Variants in IPO7 observed in about 807,000 individuals in gnomAD.
IPO7 encodes importin 7.
IPO7 carries 13 observed loss-of-function variants against 136.4 expected under a neutral mutation model. That is an observed-to-expected ratio of 0.10 (90% CI 0.06 to 0.15). IPO7 has a LOEUF of 0.15. Among genes scored for constraint, IPO7 ranks in the 10% least tolerant of loss-of-function variants. The probability of loss-of-function intolerance (pLI) is 1.00; values close to 1 mark genes in which losing one functional copy is unlikely to be tolerated. For missense variants in IPO7, 857 were observed against 1,240.6 expected, an observed-to-expected ratio of 0.69 and a Z score of 4.65; for synonymous variants, 403 against 404.4, an observed-to-expected ratio of 1.00 and a Z score of 0.04.
intron 2 of IPO7, among the ~76,000 whole-genome samples, chr11:9,406,696 C>G (rs1854892939): frequency 1.3e-5 from 2 of 151,976 alleles, no homozygotes; most frequent in African/African-American, 4.8e-5. Context: ...CATGGTGAAA[C>G]CCTGTCTCTA....
At chr11:9,400,888 G>T (rs1005250410) in intron 1 of IPO7, among the ~76,000 whole-genome samples, 12 of 151,602 alleles carry the variant, frequency 7.9e-5, no homozygotes, top group African/African-American at 2.9e-4. Flanking sequence ...TCTGTAAGAA[G>T]ATACTAAAAT....
Position 9,420,425 on chromosome 11 carries a change from T to G in IPO7, c.741T>G (p.Val247=), listed in dbSNP as rs1428597086. The G allele has an allele frequency of 2.5e-6, 4 of 1,607,886 alleles. No homozygotes were observed. The highest frequency in any genetic ancestry group is 3.4e-6 in the Non-Finnish European group (4 of 1,176,250). Residue 247 remains valine, a synonymous_variant, in exon 7 of 25, where the codon GTT becomes GTG. Coordinates refer to ENST00000379719, the MANE Select transcript of IPO7 (RefSeq NM_006391.3). ...TCTTTTTAAAGGAAACACTTCAAGT[T>G]GAAGAAGATGATCGACCTGAGTTAC... The part of the protein sequence containing the change: ...NRDVPNETLQ[V]EEDDRPELPW...
In IPO7 at chr11:9,446,886, AAAAG is replaced by A. The variant is rs1855536614; in HGVS notation, c.*1696_*1699del. 4 of 152,314 alleles carry A rather than the reference AAAAG, an allele frequency of 2.6e-5. 1 individual carries two copies. In the South Asian group the frequency reaches 8.3e-4, roughly 32 times the overall value. 9.4% of individuals were successfully genotyped at this position (152,314 alleles called of 1,614,324 possible). A position where few individuals can be genotyped will look rare whatever the true frequency, so the allele number is the denominator to read the frequency against. On this transcript the variant is annotated 3_prime_UTR_variant, in exon 25 of 25. Transcript: ENST00000379719. ...AATTTACTACTAAAATCTTGGCAAA[AAAAG>A]AAAAAAATTGTCTAACGTGTGTGGG...
At chr11:9,427,798 A>G (rs574295400) in intron 12 of IPO7, among the ~76,000 whole-genome samples, 2 of 152,316 alleles carry the variant, frequency 1.3e-5, no homozygotes, top group Admixed American at 6.5e-5. Flanking sequence ...CAACTAATCC[A>G]TGGACCTTTT....
rs1855305090 is a variant in IPO7, at chr11:9,432,249, AG to A, written c.1881+1248del. 6.8e-5 allele frequency among the ~76,000 whole-genome samples: 10 copies of A among 147,924 alleles called. No individual in the cohort carries two copies. In the South Asian group the frequency reaches 2.1e-3, roughly 31 times the overall value. On this transcript the variant is annotated intron_variant, in intron 16 of 24. Transcript: ENST00000379719. ...CAGAGTCTCCCTTTGTTGCCTAGGCAGGAGTGCAGTGGCGCCATCTTGGCTC... is the reference window on the plus strand; with the variant it reads ...CAGAGTCTCCCTTTGTTGCCTAGGCAGAGTGCAGTGGCGCCATCTTGGCTC...
intron 13 of IPO7, 150 bp downstream of exon 13, chr11:9,428,779 A>G (rs1168862417): frequency 5.1e-6 from 4 of 784,798 alleles, no homozygotes; most frequent in South Asian, 4.1e-5. Flanking sequence ...GGCTGCTGTA[A>G]TGTGTGCATA....
At chr11:9,423,343 T>G (rs1855160274) in intron 9 of IPO7, among the ~76,000 whole-genome samples, 1 of 152,178 alleles carries the variant, frequency 6.6e-6, no homozygotes, top group Admixed American at 6.5e-5. Flanking sequence ...AACTTATCTT[T>G]TAATCCAAAA....
intron 16 of IPO7, 80 bp downstream of exon 16, chr11:9,431,083 A>C: frequency 9.0e-7 from 1 of 1,114,794 alleles, no homozygotes; most frequent in Non-Finnish European, 1.3e-6. Context: ...CTGGCATCTC[A>C]TGTACCATGT....
At chr11:9,423,166 T>G (rs1391907120) in intron 9 of IPO7, 26 bp downstream of exon 9, 2 of 1,457,608 alleles carry the variant, frequency 1.4e-6, no homozygotes, top group Non-Finnish European at 1.9e-6. Flanking sequence ...TGAAATGTTT[T>G]TATAGTAAAT....
chr11:9,393,964 C>T (rs1854674025), intron 1 of IPO7, among the ~76,000 whole-genome samples: 1 of 152,102 alleles, frequency 6.6e-6, no homozygotes, highest in Non-Finnish European at 1.5e-5. Context: ...CTCACTGCAA[C>T]TTCTGCCTCC....
Position 9,420,518 on chromosome 11 carries a change from A to T in IPO7, c.821+13A>T. On this transcript the variant is annotated intron_variant, in intron 7 of 24. Transcript: ENST00000379719. ...GACTTTTTGAAAGGTAATCTCATCC[A>T]TATATGGTGATTTAAATTAATTTAT... 6.3e-7 allele frequency: 1 copy of T among 1,585,354 alleles called. No homozygotes were observed. The highest frequency in any genetic ancestry group is 8.7e-7 in the Non-Finnish European group (1 of 1,154,620).
intron 22 of IPO7, 35 bp downstream of exon 22, chr11:9,438,320 T>C (rs764137846): frequency 2.3e-5 from 30 of 1,311,722 alleles, no homozygotes; most frequent in Middle Eastern, 1.8e-4. Flanking sequence ...ACAAAACTTA[T>C]CTACTTAGAA....
intron 13 of IPO7, 138 bp from the exon 14 acceptor site, chr11:9,428,893 C>T: frequency 2.4e-6 from 2 of 827,530 alleles, no homozygotes; most frequent in South Asian, 1.3e-5. Context: ...GATCATAGTA[C>T]TGGTCTAGTG....
At position 9,384,680 on chromosome 11, in the gene IPO7, G is replaced by T. The variant is rs890993818; in HGVS notation, c.-84G>T. On this transcript the variant is annotated 5_prime_UTR_variant, in exon 1 of 25. Coordinates refer to ENST00000379719, the MANE Select transcript of IPO7 (RefSeq NM_006391.3). ...TTCGCGCCGGTTGCCGCTGCGGAGCGCGGCGGGTCCATGTGCGCAGTGAGT... is the reference window on the plus strand; with the variant it reads ...TTCGCGCCGGTTGCCGCTGCGGAGCTCGGCGGGTCCATGTGCGCAGTGAGT... 46 of 1,148,134 alleles carry T rather than the reference G, an allele frequency of 4.0e-5. No homozygotes were observed. Among genetic ancestry groups the T allele is most frequent in the Non-Finnish European group, 5.4e-5 (44 of 810,392 alleles). The allele number at this position is 1,148,134 out of a possible 1,614,324, so 71.1% of individuals were successfully genotyped here. A position where few individuals can be genotyped will look rare whatever the true frequency, so the allele number is the denominator to read the frequency against.
intron 10 of IPO7, among the ~76,000 whole-genome samples, chr11:9,424,170 T>C (rs926176157): frequency 6.6e-6 from 1 of 152,228 alleles, no homozygotes; most frequent in Non-Finnish European, 1.5e-5. Context: ...TTGGATCTTA[T>C]GTTAGCCATC....
chr11:9,390,523 G>C (rs1452457759), intron 1 of IPO7, among the ~76,000 whole-genome samples: 1 of 152,200 alleles, frequency 6.6e-6, no homozygotes, highest in African/African-American at 2.4e-5. Flanking sequence ...AGGAAGACCA[G>C]AGTAGCCTGT....
At position 9,429,665 on chromosome 11, in the gene IPO7, C is replaced by A; in HGVS notation, c.1592-9C>A. The A allele has an allele frequency of 6.3e-7, 1 of 1,594,010 alleles. No homozygotes were observed. Among genetic ancestry groups the A allele is most frequent in the African/African-American group, 1.4e-5 (1 of 73,860 alleles). On this transcript the variant is annotated splice_polypyrimidine_tract_variant and intron_variant, in intron 14 of 24. Coordinates refer to ENST00000379719, the MANE Select transcript of IPO7 (RefSeq NM_006391.3). ...GTTTTACGCAAGTTTTTTACTCTTT[C>A]TCTTACAGCTAAAGAATATATCACA...
intron 16 of IPO7, 77 bp downstream of exon 16, chr11:9,431,080 C>A: frequency 8.8e-7 from 1 of 1,136,634 alleles, no homozygotes; most frequent in Admixed American, 2.1e-5. Context: ...TCTCTGGCAT[C>A]TCATGTACCA....
At chr11:9,431,069 C>G (rs1855287074) in intron 16 of IPO7, 66 bp downstream of exon 16, 12 of 1,289,764 alleles carry the variant, frequency 9.3e-6, no homozygotes, top group Non-Finnish European at 1.3e-5. Flanking sequence ...GCTCTAATAT[C>G]TCTCTGGCAT....
Sources: allele counts gnomAD v4.1 joint callset (sites outside exome capture counted in the v4.1 genomes callset), GRCh38; gene constraint gnomAD v4.1.1; transcripts MANE v1.5; gene names NCBI Gene and HGNC (gene_info 2026-07-23, HGNC 2026-07-21).